Variants in IL1RAPL1 observed in about 807,000 individuals in gnomAD.
IL1RAPL1 encodes interleukin 1 receptor accessory protein like 1, also known as interleukin-1 receptor accessory protein-like 1.
Under a neutral mutation model 48.4 loss-of-function variants are expected in IL1RAPL1, and 3 were observed. The observed-to-expected ratio is 0.06, with a 90% CI of 0.03 to 0.16. The LOEUF (loss-of-function observed/expected upper bound fraction) is 0.16, where lower values mean the gene tolerates loss of function less well. IL1RAPL1 is among the 10% of genes least tolerant of loss of function. The probability of loss-of-function intolerance (pLI) is 1.00; values close to 1 mark genes in which losing one functional copy is unlikely to be tolerated. For synonymous variants in IL1RAPL1, 185 were observed against 187.7 expected, an observed-to-expected ratio of 0.99 and a Z score of 0.12; for missense variants, 349 against 530.6, an observed-to-expected ratio of 0.66 and a Z score of 3.36.
chrX:29,471,235 G>A (rs961227971), intron 5 of IL1RAPL1, among the ~76,000 whole-genome samples: 2 of 111,403 alleles, frequency 1.8e-5, no homozygotes, highest in African/African-American at 6.5e-5. Flanking sequence ...AAGGGAGAGA[G>A]GGTAGCCCCT....
chrX:29,658,883 A>G (rs1462597209), intron 5 of IL1RAPL1, among the ~76,000 whole-genome samples: 1 of 111,953 alleles, frequency 8.9e-6, no homozygotes, highest in African/African-American at 3.2e-5. Flanking sequence ...TCCTAATTAT[A>G]ATTTTCCTGC....
At chrX:28,922,666 G>C (rs1242683708) in intron 2 of IL1RAPL1, among the ~76,000 whole-genome samples, 1 of 111,724 alleles carries the variant, frequency 9.0e-6, no homozygotes, top group Non-Finnish European at 1.9e-5. Flanking sequence ...AATTTCAGTA[G>C]CACTGTCAAG....
intron 2 of IL1RAPL1, among the ~76,000 whole-genome samples, chrX:29,243,763 C>T (rs774043033): frequency 8.9e-6 from 1 of 111,753 alleles, no homozygotes; most frequent in Non-Finnish European, 1.9e-5. Context: ...GGATCTGGAG[C>T]CTTCCTTAAT....
intron 1 of IL1RAPL1, among the ~76,000 whole-genome samples, chrX:28,703,851 G>A (rs1043978900): frequency 1.8e-5 from 2 of 111,545 alleles, no homozygotes; most frequent in South Asian, 7.5e-4. Context: ...ATTACCACTA[G>A]TCTTTCTCTA....
At chrX:29,541,551 T>C (rs1985240951) in intron 5 of IL1RAPL1, among the ~76,000 whole-genome samples, 1 of 111,727 alleles carries the variant, frequency 9.0e-6, no homozygotes. Flanking sequence ...CAAAGGTGGA[T>C]TGGATAAAGA....
At chrX:29,415,114 A>G (rs986134217) in intron 5 of IL1RAPL1, among the ~76,000 whole-genome samples, 3 of 111,997 alleles carry the variant, frequency 2.7e-5, no homozygotes, top group Non-Finnish European at 5.6e-5. Flanking sequence ...ATGACAATTA[A>G]GTCTCTAGGT....
At chrX:29,212,972 C>T (rs1215953232) in intron 2 of IL1RAPL1, among the ~76,000 whole-genome samples, 1 of 111,316 alleles carries the variant, frequency 9.0e-6, no homozygotes, top group Non-Finnish European at 1.9e-5. Flanking sequence ...GTCCGAGAGT[C>T]AACTGTATAT....
intron 5 of IL1RAPL1, among the ~76,000 whole-genome samples, chrX:29,484,932 C>T (rs1277167658): frequency 9.0e-6 from 1 of 111,502 alleles, no homozygotes; most frequent in Non-Finnish European, 1.9e-5. Context: ...TGACCCTTAC[C>T]CTCAGACCTA....
chrX:29,542,540 G>C (rs994319840), intron 5 of IL1RAPL1, among the ~76,000 whole-genome samples: 7 of 112,247 alleles, frequency 6.2e-5, no homozygotes, highest in African/African-American at 1.9e-4. Context: ...CCATATGTCA[G>C]AATACATAGC....
At chrX:29,143,800 T>G (rs1433038440) in intron 2 of IL1RAPL1, among the ~76,000 whole-genome samples, 9 of 112,177 alleles carry the variant, frequency 8.0e-5, no homozygotes, top group Non-Finnish European at 1.7e-4. Context: ...CAGGTATGTA[T>G]GTATAGGAGA....
intron 5 of IL1RAPL1, among the ~76,000 whole-genome samples, chrX:29,403,551 T>C (rs73631660): frequency 0.036 from 4,019 of 111,742 alleles, 189 homozygotes; most frequent in African/African-American, 0.12. Flanking sequence ...GGGATATAGT[T>C]GTTTTGAAGC....
Position 29,686,020 on chromosome X carries a change from A to G in IL1RAPL1, c.778+17516A>G, listed in dbSNP as rs886670042. Among the ~76,000 whole-genome samples the G allele has an allele frequency of 2.7e-5, 3 of 111,216 alleles. No individual in the cohort carries two copies. The Admixed American group carries it at 2.8e-4, about 11-fold the overall frequency. ...AAGAAAGAAAGAAAAGAAAAGAAGT[A>G]TAGTCACAAGGTGAGCATGTTATTT... On this transcript the variant is annotated intron_variant, in intron 6 of 10. Transcript: ENST00000378993.
At chrX:28,747,045 C>T (rs1935987340) in intron 1 of IL1RAPL1, among the ~76,000 whole-genome samples, 1 of 110,501 alleles carries the variant, frequency 9.0e-6, no homozygotes, top group Admixed American at 9.8e-5. Context: ...AGCCCTTATC[C>T]TTAAATTTAT....
chrX:29,422,141 C>A (rs1934298207), intron 5 of IL1RAPL1, among the ~76,000 whole-genome samples: 1 of 111,091 alleles, frequency 9.0e-6, no homozygotes, highest in African/African-American at 3.3e-5. Flanking sequence ...GAACAGAACC[C>A]ATCTGGGAGC....
chrX:29,373,338 G>A (rs1474597614), intron 3 of IL1RAPL1, among the ~76,000 whole-genome samples: 2 of 111,476 alleles, frequency 1.8e-5, no homozygotes, highest in African/African-American at 6.5e-5. Context: ...GGATTTTCTA[G>A]GTATAGAATT....
At chrX:29,405,743 G>A (rs1050825790) in intron 5 of IL1RAPL1, among the ~76,000 whole-genome samples, 1 of 109,563 alleles carries the variant, frequency 9.1e-6, no homozygotes, top group Non-Finnish European at 1.9e-5. Context: ...TAGTGATTTT[G>A]TTATTTATCC....
chrX:29,213,915 G>A (rs900868755), intron 2 of IL1RAPL1, among the ~76,000 whole-genome samples: 2 of 111,018 alleles, frequency 1.8e-5, no homozygotes, highest in Admixed American at 1.9e-4. Flanking sequence ...TTTATATTAC[G>A]TTCCTCCAAC....
intron 5 of IL1RAPL1, among the ~76,000 whole-genome samples, chrX:29,434,594 C>T (rs150482218): frequency 2.3e-4 from 26 of 110,812 alleles, no homozygotes; most frequent in African/African-American, 8.1e-4. Flanking sequence ...TAATACTTTG[C>T]AAATGCCAAC....
chrX:29,613,888 C>T (rs1294407572), intron 5 of IL1RAPL1, among the ~76,000 whole-genome samples: 2 of 106,306 alleles, frequency 1.9e-5, no homozygotes, highest in South Asian at 4.3e-4. Context: ...CTCAGCCTCC[C>T]GAGTAGCTGG....
Sources: allele counts gnomAD v4.1 joint callset (sites outside exome capture counted in the v4.1 genomes callset), GRCh38; gene constraint gnomAD v4.1.1; transcripts MANE v1.5; gene names NCBI Gene and HGNC (gene_info 2026-07-23, HGNC 2026-07-21).